The following RNF175 variants were observed in gnomAD, a reference collection of about 807,000 sequenced individuals.
The protein encoded by RNF175 is ring finger protein 175.
A neutral mutation model predicts 50.0 loss-of-function variants in RNF175; 38 were observed. That is an observed-to-expected ratio of 0.76 (90% CI 0.59 to 1.00). The LOEUF (loss-of-function observed/expected upper bound fraction) is 1.00, where lower values mean the gene tolerates loss of function less well. RNF175 is among the 50% of genes least tolerant of loss of function. The probability of loss-of-function intolerance (pLI) is 0.00; values close to 1 mark genes in which losing one functional copy is unlikely to be tolerated. For synonymous variants in RNF175, 155 were observed against 146.1 expected, an observed-to-expected ratio of 1.06 and a Z score of -0.44; for missense variants, 388 against 409.6, an observed-to-expected ratio of 0.95 and a Z score of 0.46.
At chr4:153,753,195 GTGC>G (rs766917738) in intron 1 of RNF175, among the ~76,000 whole-genome samples, 47 of 152,350 alleles carry the variant, frequency 3.1e-4, no homozygotes, top group Admixed American at 1.3e-3. Flanking sequence ...CAGAATGTGT[GTGC>G]TAAGACCCTC....
intron 6 of RNF175, among the ~76,000 whole-genome samples, chr4:153,716,571 GA>G (rs1054666067): frequency 3.3e-4 from 50 of 151,828 alleles, no homozygotes; most frequent in African/African-American, 1.1e-3. Flanking sequence ...TTTTTCCAAA[GA>G]AAATTATTTT....
chr4:153,713,697 T>C (rs569476449), intron 7 of RNF175: 1 of 152,360 alleles, frequency 6.6e-6, no homozygotes, highest in South Asian at 2.1e-4. Context: ...AATTTCAATG[T>C]AACCAGGAGT....
intron 1 of RNF175, among the ~76,000 whole-genome samples, chr4:153,757,264 AC>A (rs1164173139): frequency 3.9e-5 from 6 of 152,160 alleles, no homozygotes; most frequent in African/African-American, 1.4e-4. Context: ...TTATTTACTT[AC>A]CTGAATCTGT....
intron 6 of RNF175, among the ~76,000 whole-genome samples, chr4:153,717,199 C>A (rs370213092): frequency 2.6e-5 from 4 of 152,160 alleles, no homozygotes; most frequent in African/African-American, 9.7e-5. Flanking sequence ...CAAATTCCAG[C>A]TTTGGCCATT....
intron 3 of RNF175, among the ~76,000 whole-genome samples, chr4:153,736,700 CT>C (rs992593598): frequency 3.3e-5 from 5 of 152,056 alleles, no homozygotes; most frequent in Admixed American, 1.3e-4. Context: ...TGATATAGGC[CT>C]ATTCAGTTCA....
At chr4:153,715,414 G>T in intron 7 of RNF175, 115 bp downstream of exon 7, 3 of 966,580 alleles carry the variant, frequency 3.1e-6, no homozygotes, top group African/African-American at 1.6e-5. Context: ...AAAGGACTGG[G>T]GTTTGGGCAT....
Position 153,752,647 on chromosome 4 carries a change from T to G in RNF175, c.67-1172A>C, listed in dbSNP as rs377526884. On this transcript the variant is annotated intron_variant, in intron 1 of 8. Coordinates refer to ENST00000347063, the MANE Select transcript of RNF175 (RefSeq NM_173662.4). The stretch of plus-strand genomic sequence containing the variant: ...GGAAAAGGCATTTTTAAGTATAATG[T>G]AGAGCCCAGAAATTATAAAGTTAAA... Among the ~76,000 whole-genome samples the G allele has an allele frequency of 2.6e-4, 39 of 152,290 alleles. 1 individual carries two copies. The East Asian group carries it at 6.8e-3, about 26-fold the overall frequency.
At chr4:153,756,925 C>T (rs903572191) in intron 1 of RNF175, among the ~76,000 whole-genome samples, 2 of 152,176 alleles carry the variant, frequency 1.3e-5, no homozygotes, top group Non-Finnish European at 2.9e-5. Flanking sequence ...CCCTTGCCTT[C>T]GCTCTCTTCC....
At chr4:153,711,848 G>T (rs1737606785) in intron 8 of RNF175, among the ~76,000 whole-genome samples, 1 of 152,166 alleles carries the variant, frequency 6.6e-6, no homozygotes, top group South Asian at 2.1e-4. Context: ...GCACACCTCT[G>T]ATGTCTATAC....
chr4:153,716,129 G>A (rs1003675639), intron 6 of RNF175, among the ~76,000 whole-genome samples: 5 of 150,426 alleles, frequency 3.3e-5, no homozygotes, highest in African/African-American at 7.4e-5. Context: ...GTGAGACACC[G>A]TTTCCTGTAA....
At chr4:153,723,723 T>TA (rs1738495905) in intron 4 of RNF175, among the ~76,000 whole-genome samples, 1 of 152,124 alleles carries the variant, frequency 6.6e-6, no homozygotes, top group Non-Finnish European at 1.5e-5. Context: ...GTGCTTCACT[T>TA]AAAAATAGCC....
intron 5 of RNF175, among the ~76,000 whole-genome samples, chr4:153,722,542 C>T (rs1156981190): frequency 1.3e-5 from 2 of 149,762 alleles, no homozygotes; most frequent in Non-Finnish European, 3.0e-5. Flanking sequence ...TGGCCTCAAG[C>T]AATCCTCCCA....
chr4:153,722,810 C>T (rs1199033016), intron 5 of RNF175, among the ~76,000 whole-genome samples: 1 of 151,318 alleles, frequency 6.6e-6, no homozygotes, highest in African/African-American at 2.4e-5. Context: ...ATTAATCTCA[C>T]CAATATATTT....
At chr4:153,723,086 C>A in intron 5 of RNF175, 1 of 234,282 alleles carries the variant, frequency 4.3e-6, no homozygotes, top group East Asian at 8.3e-5. Context: ...ATTGTAGGTC[C>A]ACTGTTAATA....
intron 6 of RNF175, among the ~76,000 whole-genome samples, chr4:153,718,279 A>AGAGATTCT (rs1738112821): frequency 8.1e-6 from 1 of 123,494 alleles, no homozygotes; most frequent in Non-Finnish European, 1.6e-5. Flanking sequence ...ATCTACTCCC[A>AGAGATTCT]GAGATTCTGA....
At chr4:153,750,310 T>C (rs940636555) in intron 2 of RNF175, among the ~76,000 whole-genome samples, 2 of 152,172 alleles carry the variant, frequency 1.3e-5, no homozygotes, top group Non-Finnish European at 2.9e-5. Flanking sequence ...TTGATGGGTA[T>C]GTGGGTTGGG....
intron 3 of RNF175, among the ~76,000 whole-genome samples, chr4:153,732,831 T>G (rs1375243603): frequency 6.6e-6 from 1 of 152,208 alleles, no homozygotes; most frequent in East Asian, 1.9e-4. Context: ...TGCCTACATC[T>G]ATAACATATC....
chr4:153,759,765 C>T (rs964208040), intron 1 of RNF175, 32 bp downstream of exon 1: 7 of 1,405,028 alleles, frequency 5.0e-6, no homozygotes, highest in South Asian at 1.3e-5. Context: ...CCCGGCCTGG[C>T]GTCCCCCACG....
At chr4:153,754,620 A>C (rs1006906998) in intron 1 of RNF175, among the ~76,000 whole-genome samples, 2 of 152,242 alleles carry the variant, frequency 1.3e-5, no homozygotes, top group Non-Finnish European at 2.9e-5. Flanking sequence ...GGGTATTTGC[A>C]GATGTAATTG....
Sources: allele counts gnomAD v4.1 joint callset (sites outside exome capture counted in the v4.1 genomes callset), GRCh38; gene constraint gnomAD v4.1.1; transcripts MANE v1.5; gene names NCBI Gene and HGNC (gene_info 2026-07-23, HGNC 2026-07-21).